Variants in EDA observed in about 807,000 individuals in gnomAD.
EDA encodes the protein ectodysplasin A.
In EDA, 2 loss-of-function variants were observed where a neutral mutation model predicts 23.6. The ratio of observed to expected loss-of-function variants is 0.08; its 90% confidence interval spans 0.03 to 0.27. The LOEUF is 0.27. Among genes scored for constraint, EDA ranks in the 10% least tolerant of loss-of-function variants. EDA has a pLI of 1.00. For synonymous variants in EDA, 131 were observed against 132.0 expected (o/e 0.99, Z 0.05); for missense variants, 229 against 324.2 (o/e 0.71, Z 2.26).
At chrX:70,021,088 C>T (rs1268012314) in intron 2 of EDA, among the ~76,000 whole-genome samples, 2 of 111,935 alleles carry the variant, frequency 1.8e-5, no homozygotes, top group Non-Finnish European at 3.8e-5. Context: ...TAAGTCAGAC[C>T]TTCTCCAGGA....
intron 1 of EDA, among the ~76,000 whole-genome samples, chrX:69,895,015 T>C (rs2017990528): frequency 9.0e-6 from 1 of 111,337 alleles, no homozygotes; most frequent in African/African-American, 3.3e-5. Context: ...CTTCCAGCTT[T>C]TGCCCAATCA....
intron 1 of EDA, among the ~76,000 whole-genome samples, chrX:69,717,500 C>T (rs4634808): frequency 0.061 from 6,493 of 106,737 alleles, 477 homozygotes; most frequent in African/African-American, 0.21. Flanking sequence ...TGTGTCACCT[C>T]CCAAATCTCA....
intron 1 of EDA, among the ~76,000 whole-genome samples, chrX:69,881,752 G>A (rs1322787063): frequency 8.9e-6 from 1 of 112,116 alleles, no homozygotes; most frequent in African/African-American, 3.2e-5. Flanking sequence ...TACAGACATG[G>A]CACCCACATC....
intron 2 of EDA, among the ~76,000 whole-genome samples, chrX:69,970,816 C>G (rs865952598): frequency 2.7e-5 from 3 of 111,642 alleles, no homozygotes; most frequent in Non-Finnish European, 3.8e-5. Context: ...AAACTCATTT[C>G]TGTGGAACTC....
At chrX:69,746,496 C>A (rs2013625066) in intron 1 of EDA, among the ~76,000 whole-genome samples, 1 of 110,429 alleles carries the variant, frequency 9.1e-6, no homozygotes, top group Admixed American at 9.6e-5. Context: ...ATGTGGATTT[C>A]TTTAGACTTC....
At chrX:69,774,739 A>T (rs1292604422) in intron 1 of EDA, among the ~76,000 whole-genome samples, 1 of 111,671 alleles carries the variant, frequency 9.0e-6, no homozygotes, top group African/African-American at 3.3e-5. Context: ...TTAAATTCTT[A>T]GCCATATGAT....
Position 69,700,629 on chromosome X carries a change from G to C in EDA, c.396+83925G>C, listed in dbSNP as rs748435586. 2.7e-5 allele frequency among the ~76,000 whole-genome samples: 3 copies of C among 111,204 alleles called. No individual in the cohort carries two copies. The South Asian group carries it at 1.1e-3, about 43-fold the overall frequency. On this transcript the variant is annotated intron_variant, in intron 1 of 7. Coordinates refer to ENST00000374552, the MANE Select transcript of EDA (RefSeq NM_001399.5). ...GAAATGATAGGCTTTAGGCCTATGA[G>C]AGCTGCTTGGGGGATGGGATACTGC...
At chrX:69,689,398 C>T (rs971029912) in intron 1 of EDA, among the ~76,000 whole-genome samples, 3 of 107,679 alleles carry the variant, frequency 2.8e-5, no homozygotes, top group Non-Finnish European at 3.8e-5. Flanking sequence ...TGGGTTCAAG[C>T]GAGTCTCCTG....
chrX:69,724,184 G>A (rs1176834192), intron 1 of EDA, among the ~76,000 whole-genome samples: 3 of 111,400 alleles, frequency 2.7e-5, no homozygotes, highest in Non-Finnish European at 5.7e-5. Context: ...TGCTTGTAAA[G>A]TGTTATTGAG....
At chrX:69,795,451 G>A (rs1377009325) in intron 1 of EDA, among the ~76,000 whole-genome samples, 1 of 112,755 alleles carries the variant, frequency 8.9e-6, no homozygotes, top group Non-Finnish European at 1.9e-5. Flanking sequence ...ATTCCCTGGA[G>A]TAAAATTTAT....
Position 69,629,780 on chromosome X carries a change from A to T in EDA, c.396+13076A>T, listed in dbSNP as rs748740731. Reference sequence around the variant, plus strand: ...TAACAAGTATTCATATTCCACTTTGACCTGCTGTATACCTCTTGATTTCCT... The same window carrying T: ...TAACAAGTATTCATATTCCACTTTGTCCTGCTGTATACCTCTTGATTTCCT... On this transcript the variant is annotated intron_variant, in intron 1 of 7. Coordinates refer to ENST00000374552, the MANE Select transcript of EDA (RefSeq NM_001399.5). 6.3e-5 allele frequency among the ~76,000 whole-genome samples: 7 copies of T among 111,290 alleles called. No individual in the cohort carries two copies. The East Asian group carries it at 2.0e-3, about 32-fold the overall frequency.
intron 1 of EDA, among the ~76,000 whole-genome samples, chrX:69,650,848 G>A (rs969424319): frequency 9.0e-6 from 1 of 111,269 alleles, no homozygotes; most frequent in Non-Finnish European, 1.9e-5. Context: ...TGAGACATAG[G>A]ATGAGAGGGG....
intron 1 of EDA, among the ~76,000 whole-genome samples, chrX:69,768,894 A>G (rs760912434): frequency 8.9e-6 from 1 of 111,891 alleles, no homozygotes; most frequent in East Asian, 2.8e-4. Context: ...ATCATCATTC[A>G]GTTCACAATC....
chrX:69,732,100 ATTTATTTAT>A (rs2013054418), intron 1 of EDA, among the ~76,000 whole-genome samples: 1 of 62,768 alleles, frequency 1.6e-5, no homozygotes, highest in Non-Finnish European at 5.0e-5. Flanking sequence ...TTGAAGATTT[ATTTATTTAT>A]TTTATTATAC....
At position 69,815,912 on chromosome X, in the gene EDA, G is replaced by A. The variant is rs73543206; in HGVS notation, c.397-141115G>A. Among the ~76,000 whole-genome samples, 455 of 112,200 alleles carry A rather than the reference G, an allele frequency of 4.1e-3. 1 individual carries two copies. The highest frequency in any genetic ancestry group is 0.014 in the African/African-American group (431 of 30,902). Reference sequence around the variant, plus strand: ...AGATCTTTCAACTATAGGAGGTGGTGGATCTCCAGCCACCTCCTTTAGGTT... The same window carrying A: ...AGATCTTTCAACTATAGGAGGTGGTAGATCTCCAGCCACCTCCTTTAGGTT... On this transcript the variant is annotated intron_variant, in intron 1 of 7. Coordinates refer to ENST00000374552, the MANE Select transcript of EDA (RefSeq NM_001399.5).
chrX:69,970,686 T>A (rs1056575610), intron 2 of EDA, among the ~76,000 whole-genome samples: 2 of 111,916 alleles, frequency 1.8e-5, no homozygotes, highest in Admixed American at 9.5e-5. Flanking sequence ...TGGTGATTCT[T>A]AGTCCTCAAT....
intron 1 of EDA, among the ~76,000 whole-genome samples, chrX:69,697,550 G>A (rs2011390328): frequency 8.9e-6 from 1 of 112,042 alleles, no homozygotes; most frequent in African/African-American, 3.2e-5. Context: ...GGTTATTCTT[G>A]ACAGACGGGT....
chrX:69,975,487 G>T (rs2019305132), intron 2 of EDA, among the ~76,000 whole-genome samples: 3 of 110,122 alleles, frequency 2.7e-5, no homozygotes, highest in Admixed American at 9.7e-5. Context: ...AGGAGGGAGG[G>T]AGAGGGCAAG....
At chrX:69,828,468 T>G (rs968861403) in intron 1 of EDA, among the ~76,000 whole-genome samples, 11 of 111,961 alleles carry the variant, frequency 9.8e-5, no homozygotes, top group Admixed American at 3.8e-4. Context: ...ATTTTCCAGG[T>G]GCCGTTTGTC....
Sources: gnomAD v4.1 joint callset for allele counts (sites outside exome capture counted in the v4.1 genomes callset) on GRCh38, gnomAD v4.1.1 for gene constraint, MANE v1.5 for transcripts, NCBI Gene and HGNC (gene_info 2026-07-23, HGNC 2026-07-21) for gene names.